Variants in PDE3A observed in about 807,000 individuals in gnomAD.
The protein encoded by PDE3A is phosphodiesterase 3A.
In PDE3A, 43 loss-of-function variants were observed where a neutral mutation model predicts 98.3. That is an observed-to-expected ratio of 0.44 (90% CI 0.34 to 0.56). The LOEUF is 0.56. PDE3A is among the 20% of genes least tolerant of loss of function. The pLI, the probability that PDE3A is intolerant of heterozygous loss-of-function variation, is 0.01. For synonymous variants in PDE3A, 663 were observed against 567.9 expected, an observed-to-expected ratio of 1.17 and a Z score of -2.38; for missense variants, 1,427 against 1,440.7, an observed-to-expected ratio of 0.99 and a Z score of 0.15.
intron 1 of PDE3A, among the ~76,000 whole-genome samples, chr12:20,481,609 G>C (rs952333377): frequency 6.6e-6 from 1 of 152,020 alleles, no homozygotes; most frequent in Non-Finnish European, 1.5e-5. Flanking sequence ...GCAAAAATAA[G>C]TAAAGGAAGC....
intron 15 of PDE3A, among the ~76,000 whole-genome samples, chr12:20,678,956 A>T (rs1251713409): frequency 6.6e-6 from 1 of 152,218 alleles, no homozygotes; most frequent in Non-Finnish European, 1.5e-5. Context: ...AGAAGAAGAG[A>T]TAAAGATAAG....
chr12:20,466,954 A>G lies in PDE3A; in HGVS notation c.961-89706A>G, dbSNP rs546914929. Among the ~76,000 whole-genome samples, 7 of 152,286 alleles carry G rather than the reference A, an allele frequency of 4.6e-5. No homozygotes were observed. In the East Asian group the frequency reaches 1.4e-3, roughly 29 times the overall value. On this transcript the variant is annotated intron_variant, in intron 1 of 15. Transcript: ENST00000359062. The stretch of plus-strand genomic sequence containing the variant: ...AAATAAATTGCCATTTGAACTCCAG[A>G]GTTGAATTCAAATTTTTCAGAAATA...
At chr12:20,394,590 T>C (rs1943974407) in intron 1 of PDE3A, among the ~76,000 whole-genome samples, 1 of 152,102 alleles carries the variant, frequency 6.6e-6, no homozygotes, top group South Asian at 2.1e-4. Context: ...CAGAGAAGCA[T>C]TATAATGATA....
intron 15 of PDE3A, among the ~76,000 whole-genome samples, chr12:20,679,179 G>C (rs569390250): frequency 1.3e-5 from 2 of 152,286 alleles, no homozygotes; most frequent in South Asian, 4.1e-4. Flanking sequence ...TGAGTTCAGT[G>C]TAGATGTTTT....
At chr12:20,547,012 A>G (rs1014458900) in intron 1 of PDE3A, among the ~76,000 whole-genome samples, 1 of 152,060 alleles carries the variant, frequency 6.6e-6, no homozygotes, top group Non-Finnish European at 1.5e-5. Context: ...CCCTTTTTAA[A>G]TTTAACATAG....
At chr12:20,611,496 T>C (rs1943853173) in intron 2 of PDE3A, among the ~76,000 whole-genome samples, 1 of 151,938 alleles carries the variant, frequency 6.6e-6, no homozygotes. Flanking sequence ...CAGCCTGATA[T>C]TTCCACTTTC....
At chr12:20,415,963 T>G (rs1255273904) in intron 1 of PDE3A, among the ~76,000 whole-genome samples, 1 of 152,206 alleles carries the variant, frequency 6.6e-6, no homozygotes, top group Non-Finnish European at 1.5e-5. Flanking sequence ...TTCCATTTCC[T>G]CATGTGTAAA....
chr12:20,680,265 C>G lies in PDE3A; in HGVS notation c.3420C>G (p.Asp1140Glu). The G allele has an allele frequency of 6.2e-7, 1 of 1,613,830 alleles. No homozygotes were observed. The highest frequency in any genetic ancestry group is 8.5e-7 in the Non-Finnish European group (1 of 1,179,850). The change falls in exon 16 of 16, where the codon GAC becomes GAG. Residue 1140 changes from aspartate to glutamate, a missense_variant. By Grantham distance (45) the Asp-to-Glu change is conservative. Around this residue, in one of 3 missense-constraint regions of PDE3A, gnomAD observed 142 missense variants for 133.9 expected, o/e 1.06. Coordinates refer to ENST00000359062, the MANE Select transcript of PDE3A (RefSeq NM_000921.5). ...RGEEIPTQKP[D>E]Q is the part of the protein sequence containing the mutation. ...AGGAGATACCAACCCAAAAGCCAGA[C>G]CAGTGACAATGGATAGAATGGGCTG...
At chr12:20,661,466 A>G (rs978457218) in intron 15 of PDE3A, among the ~76,000 whole-genome samples, 3 of 152,224 alleles carry the variant, frequency 2.0e-5, no homozygotes, top group African/African-American at 7.2e-5. Context: ...AGTATATGTC[A>G]GAGGTCTTCA....
At chr12:20,451,886 T>A (rs566978797) in intron 1 of PDE3A, among the ~76,000 whole-genome samples, 21 of 152,318 alleles carry the variant, frequency 1.4e-4, no homozygotes, top group Non-Finnish European at 2.6e-4. Context: ...CTGTGTTTCA[T>A]CCTTTCATCT....
intron 1 of PDE3A, among the ~76,000 whole-genome samples, chr12:20,504,410 A>G (rs1348331469): frequency 6.6e-6 from 1 of 152,152 alleles, no homozygotes; most frequent in Non-Finnish European, 1.5e-5. Flanking sequence ...TCTATTAAAG[A>G]GACCATATTC....
chr12:20,382,214 G>A (rs1943675935), intron 1 of PDE3A, among the ~76,000 whole-genome samples: 1 of 151,768 alleles, frequency 6.6e-6, no homozygotes, highest in African/African-American at 2.4e-5. Flanking sequence ...CCTGAAATCT[G>A]TGGTTTTAAG....
At chr12:20,422,613 A>C (rs1043625563) in intron 1 of PDE3A, among the ~76,000 whole-genome samples, 3 of 152,216 alleles carry the variant, frequency 2.0e-5, no homozygotes, top group African/African-American at 7.2e-5. Context: ...CCATAATTTA[A>C]AAAGACATAT....
chr12:20,390,740 CA>C (rs1943897900), intron 1 of PDE3A, among the ~76,000 whole-genome samples: 3 of 151,884 alleles, frequency 2.0e-5, no homozygotes, highest in Non-Finnish European at 4.4e-5. Flanking sequence ...TCTTAGTTCA[CA>C]AAAAAATATT....
In PDE3A at chr12:20,476,429, T is replaced by C. The variant is rs150203832; in HGVS notation, c.961-80231T>C. Among the ~76,000 whole-genome samples the C allele has an allele frequency of 5.9e-3, 903 of 152,332 alleles. 4 individuals are homozygous for C. The highest frequency in any genetic ancestry group is 0.011 in the Non-Finnish European group (715 of 68,026). On this transcript the variant is annotated intron_variant, in intron 1 of 15. Transcript: ENST00000359062. ...AATAAGTAGAGATTGTCAACTCTTC[T>C]GTGAATGGCATATAAAAAATGATAA...
chr12:20,534,081 A>G (rs1592028528), intron 1 of PDE3A, among the ~76,000 whole-genome samples: 1 of 151,812 alleles, frequency 6.6e-6, no homozygotes, highest in African/African-American at 2.4e-5. Flanking sequence ...TCCTGGTAAA[A>G]CCCTCTTCAA....
intron 1 of PDE3A, among the ~76,000 whole-genome samples, chr12:20,471,885 A>C (rs772848522): frequency 6.6e-6 from 1 of 152,156 alleles, no homozygotes; most frequent in Non-Finnish European, 1.5e-5. Flanking sequence ...GTTGGCACTC[A>C]GGATGTAAAT....
At chr12:20,509,889 T>A (rs1211692027) in intron 1 of PDE3A, among the ~76,000 whole-genome samples, 1 of 152,028 alleles carries the variant, frequency 6.6e-6, no homozygotes, top group East Asian at 1.9e-4. Flanking sequence ...ATTTGATAGG[T>A]GGAAAAAGTA....
chr12:20,572,374 T>G (rs995063543), intron 2 of PDE3A, among the ~76,000 whole-genome samples: 22 of 152,220 alleles, frequency 1.4e-4, no homozygotes, highest in Non-Finnish European at 2.8e-4. Flanking sequence ...AACTTCCCAG[T>G]AAAAGTTCTA....
Sources: gnomAD v4.1 joint callset for allele counts (sites outside exome capture counted in the v4.1 genomes callset) on GRCh38, gnomAD v4.1.1 for gene constraint, gnomAD v4.1.1 regional missense constraint, MANE v1.5 for transcripts, NCBI Gene and HGNC (gene_info 2026-07-23, HGNC 2026-07-21) for gene names.